PPP2R1A: variants seen among roughly 807,000 people sequenced by gnomAD.
The protein encoded by PPP2R1A is protein phosphatase 2 scaffold subunit Aalpha, also known as serine/threonine-protein phosphatase 2A 65 kDa regulatory subunit A alpha isoform.
A neutral mutation model predicts 67.1 loss-of-function variants in PPP2R1A; 15 were observed. The observed-to-expected ratio is 0.22, with a 90% CI of 0.15 to 0.34. The LOEUF is 0.34. PPP2R1A is among the 10% of genes least tolerant of loss of function. PPP2R1A has a pLI of 1.00. For missense variants in PPP2R1A, 369 were observed against 775.0 expected (o/e 0.48, Z 6.22); for synonymous variants, 337 against 325.0 (o/e 1.04, Z -0.40).
chr19:52,220,325 G>A (rs1568598024), intron 11 of PPP2R1A, 76 bp downstream of exon 11: 1 of 1,507,240 alleles, frequency 6.6e-7, no homozygotes, highest in Admixed American at 1.7e-5. Flanking sequence ...GGGCTGTGGC[G>A]GGCAGTGGAG....
intron 1 of PPP2R1A, among the ~76,000 whole-genome samples, chr19:52,192,046 CAA>C (rs1796645508): frequency 6.6e-6 from 1 of 151,878 alleles, no homozygotes; most frequent in Admixed American, 6.6e-5. Context: ...ATTAGGGAGA[CAA>C]ATAAAAATAA....
intron 1 of PPP2R1A, among the ~76,000 whole-genome samples, chr19:52,196,478 A>G (rs552175286): frequency 3.9e-5 from 6 of 152,286 alleles, no homozygotes; most frequent in Middle Eastern, 3.4e-3. Flanking sequence ...AGTGCAGTTT[A>G]GCAGAGGCCA....
Position 52,206,215 on chromosome 19 carries a change from G to A in PPP2R1A, c.270+152G>A, listed in dbSNP as rs1002360906. Reference sequence around the variant, plus strand: ...CATCCGCTTTAATCCAACAAGTCAGGAGTGGCTTTTAATATCGTGAACTCA... The same window carrying A: ...CATCCGCTTTAATCCAACAAGTCAGAAGTGGCTTTTAATATCGTGAACTCA... On this transcript the variant is annotated intron_variant, in intron 3 of 14. Coordinates refer to ENST00000322088, the MANE Select transcript of PPP2R1A (RefSeq NM_014225.6). The A allele has an allele frequency of 9.1e-6, 6 of 658,412 alleles. No homozygotes were observed. The East Asian group carries it at 1.4e-4, about 15-fold the overall frequency. The allele number at this position is 658,412 out of a possible 1,614,324, so 40.8% of individuals were successfully genotyped here.
At chr19:52,209,603 T>C (rs2122324436) in intron 3 of PPP2R1A, among the ~76,000 whole-genome samples, 1 of 152,266 alleles carries the variant, frequency 6.6e-6, no homozygotes, top group South Asian at 2.1e-4. Context: ...GTGCAGCCAT[T>C]ATCACCCTCC....
chr19:52,224,855 A>G (rs1481945659), intron 13 of PPP2R1A, among the ~76,000 whole-genome samples: 2 of 152,078 alleles, frequency 1.3e-5, no homozygotes, highest in African/African-American at 4.8e-5. Context: ...GTGCACCACC[A>G]TGCTTGGCTA....
At chr19:52,214,744 T>TA (rs1449610971) in intron 6 of PPP2R1A, among the ~76,000 whole-genome samples, 1 of 151,392 alleles carries the variant, frequency 6.6e-6, no homozygotes, top group African/African-American at 2.4e-5. Context: ...TTTTTTTTTT[T>TA]AAGACAGAGT....
chr19:52,207,490 T>G (rs965720475), intron 3 of PPP2R1A, among the ~76,000 whole-genome samples: 3 of 152,084 alleles, frequency 2.0e-5, no homozygotes, highest in Non-Finnish European at 4.4e-5. Flanking sequence ...AACAGAACAT[T>G]CTCAGTGAGG....
chr19:52,190,222 G>C, intron 1 of PPP2R1A, 48 bp downstream of exon 1: 2 of 1,535,202 alleles, frequency 1.3e-6, no homozygotes, highest in Non-Finnish European at 1.8e-6. Flanking sequence ...GGGTACCTGG[G>C]GGCACGGGCG....
intron 9 of PPP2R1A, among the ~76,000 whole-genome samples, chr19:52,218,991 C>A (rs1204128196): frequency 6.6e-6 from 1 of 152,228 alleles, no homozygotes; most frequent in East Asian, 1.9e-4. Context: ...TTATATTTTA[C>A]ATTTTGACTC....
At position 52,213,247 on chromosome 19, in the gene PPP2R1A, T is replaced by A; in HGVS notation, c.807+137T>A. The A allele has an allele frequency of 1.8e-6, 2 of 1,123,688 alleles. No individual in the cohort carries two copies. Among genetic ancestry groups the A allele is most frequent in the Non-Finnish European group, 1.2e-6 (1 of 836,446 alleles). The allele number at this position is 1,123,688 out of a possible 1,614,324, so 69.6% of individuals were successfully genotyped here. ...GAGCAATAAGATCTCTATGATCATCTAACTGCGTCTCGCTTCGTGTGCCAA... is the reference window on the plus strand; with the variant it reads ...GAGCAATAAGATCTCTATGATCATCAAACTGCGTCTCGCTTCGTGTGCCAA... On this transcript the variant is annotated intron_variant, in intron 6 of 14. Transcript: ENST00000322088. This position sits in a 1 kb window ranked among gnomAD's most constrained non-coding sequence, Gnocchi z 4.2.
intron 1 of PPP2R1A, among the ~76,000 whole-genome samples, chr19:52,193,416 A>T (rs1368566779): frequency 6.6e-6 from 1 of 152,224 alleles, no homozygotes; most frequent in Non-Finnish European, 1.5e-5. Context: ...TCTGTTTTAG[A>T]TACTAGACAT....
At chr19:52,214,401 G>C (rs1978439324) in intron 6 of PPP2R1A, among the ~76,000 whole-genome samples, 1 of 152,138 alleles carries the variant, frequency 6.6e-6, no homozygotes, top group African/African-American at 2.4e-5. Flanking sequence ...ACCACAGTTA[G>C]GGAAGGTTCT....
chr19:52,195,715 A>G (rs1174106804), intron 1 of PPP2R1A, among the ~76,000 whole-genome samples: 1 of 152,186 alleles, frequency 6.6e-6, no homozygotes, highest in Non-Finnish European at 1.5e-5. Flanking sequence ...AGGATAGTAT[A>G]AAGAATACAG....
chr19:52,198,168 G>A (rs2089513202), intron 1 of PPP2R1A, among the ~76,000 whole-genome samples: 1 of 152,130 alleles, frequency 6.6e-6, no homozygotes, highest in South Asian at 2.1e-4. Flanking sequence ...GAAAATTGAG[G>A]CTCAGAAAGG....
At chr19:52,225,046 T>C (rs967090484) in intron 13 of PPP2R1A, among the ~76,000 whole-genome samples, 2 of 147,844 alleles carry the variant, frequency 1.4e-5, no homozygotes, top group Non-Finnish European at 3.0e-5. Context: ...AGACGGAGTT[T>C]CGCTCTTGTT....
chr19:52,214,836 C>T (rs1022236322), intron 6 of PPP2R1A, among the ~76,000 whole-genome samples: 2 of 151,838 alleles, frequency 1.3e-5, no homozygotes, highest in South Asian at 2.1e-4. Context: ...AAGTGATTCT[C>T]GTGCCTTAGC....
chr19:52,208,783 G>GCCAC (rs2089634987), intron 3 of PPP2R1A, among the ~76,000 whole-genome samples: 1 of 152,232 alleles, frequency 6.6e-6, no homozygotes, highest in Admixed American at 6.5e-5. Flanking sequence ...ACAGGCGTGA[G>GCCAC]CCACCGCATC....
At chr19:52,195,032 G>A (rs1308244273) in intron 1 of PPP2R1A, among the ~76,000 whole-genome samples, 6 of 152,204 alleles carry the variant, frequency 3.9e-5, no homozygotes, top group South Asian at 2.1e-4. Context: ...ATTGTGTTGG[G>A]CCTTGTAGGC....
At chr19:52,217,235 A>T (rs7252174) in intron 9 of PPP2R1A, among the ~76,000 whole-genome samples, 2 of 152,096 alleles carry the variant, frequency 1.3e-5, no homozygotes, top group South Asian at 2.1e-4. Flanking sequence ...GTCTTGCTCT[A>T]TTGCCCACAC....
Sources: allele counts gnomAD v4.1 joint callset (sites outside exome capture counted in the v4.1 genomes callset), GRCh38; gene constraint gnomAD v4.1.1; non-coding constraint Gnocchi (gnomAD v3.1); transcripts MANE v1.5; gene names NCBI Gene and HGNC (gene_info 2026-07-23, HGNC 2026-07-21).